Variants in CFAP263 observed in about 807,000 individuals in gnomAD.
CFAP263 encodes cilia- and flagella-associated protein 263.
the CFAP263 span, among the ~76,000 whole-genome samples, chr16:58,257,219 G>A: frequency 9.8e-5 from 11 of 112,748 alleles, no homozygotes; most frequent in South Asian, 8.5e-4. Flanking sequence ...GGGTTTCACC[G>A]TTTTAGCCGG....
At chr16:58,267,399 G>A in the CFAP263 span, 66 of 976,124 alleles carry the variant, frequency 6.8e-5, no homozygotes, top group South Asian at 2.1e-4. Flanking sequence ...TTTTCTGTTC[G>A]TTAACAAAGA....
the CFAP263 span, chr16:58,250,251 T>C: frequency 7.0e-6 from 4 of 567,544 alleles, no homozygotes; most frequent in Non-Finnish European, 1.2e-5. Flanking sequence ...TCTTTACTCC[T>C]TACTCCACCA....
At chr16:58,262,763 GTAGATAGATAGATAGA>G in the CFAP263 span, among the ~76,000 whole-genome samples, 36 of 78,412 alleles carry the variant, frequency 4.6e-4, no homozygotes, top group African/African-American at 1.5e-3. Context: ...TAGATGATAG[GTAGATAGATAGATAGA>G]TAGATAGATA....
chr16:58,257,269 G>A, the CFAP263 span, among the ~76,000 whole-genome samples: 1,846 of 111,576 alleles, frequency 0.017, 98 homozygotes, highest in African/African-American at 0.046. Context: ...CGCCCGCCTC[G>A]GCCTCCCAAA....
chr16:58,257,035 T>TTTTTTTTTTTTTTTTTTA, the CFAP263 span, among the ~76,000 whole-genome samples: 1 of 81,288 alleles, frequency 1.2e-5, no homozygotes, highest in African/African-American at 4.8e-5. Context: ...TTTTTTTTTT[T>TTTTTTTTTTTTTTTTTTA]GAGACGGAGT....
At chr16:58,253,294 T>C in the CFAP263 span, among the ~76,000 whole-genome samples, 1 of 152,084 alleles carries the variant, frequency 6.6e-6, no homozygotes, top group Admixed American at 6.5e-5. Context: ...GGTGGGAGGA[T>C]TGCTTGAGCC....
chr16:58,272,669 G>T, the CFAP263 span, among the ~76,000 whole-genome samples: 1 of 151,988 alleles, frequency 6.6e-6, no homozygotes, highest in Admixed American at 6.5e-5. Flanking sequence ...GCATATGACT[G>T]TATTACATTA....
the CFAP263 span, among the ~76,000 whole-genome samples, chr16:58,265,086 G>A: frequency 6.6e-5 from 10 of 152,226 alleles, no homozygotes; most frequent in African/African-American, 2.2e-4. Flanking sequence ...CAGCTGCGAT[G>A]AGTCACTCCA....
At chr16:58,262,787 A>G in the CFAP263 span, among the ~76,000 whole-genome samples, 13 of 150,446 alleles carry the variant, frequency 8.6e-5, no homozygotes, top group African/African-American at 2.0e-4. Context: ...AGATAGATAG[A>G]TAGATAGATA....
chr16:58,269,497 C>A, the CFAP263 span, among the ~76,000 whole-genome samples: 4 of 152,082 alleles, frequency 2.6e-5, no homozygotes, highest in African/African-American at 9.7e-5. Context: ...CACTCCACTC[C>A]CACCCTCCAG....
the CFAP263 span, among the ~76,000 whole-genome samples, chr16:58,264,569 A>G: frequency 6.6e-6 from 1 of 152,170 alleles, no homozygotes; most frequent in Admixed American, 6.5e-5. Flanking sequence ...TCATCTGGGC[A>G]AGATTCTTCA....
At chr16:58,278,297 G>A in the CFAP263 span, among the ~76,000 whole-genome samples, 1 of 152,142 alleles carries the variant, frequency 6.6e-6, no homozygotes, top group South Asian at 2.1e-4. Context: ...TTCTGAACTG[G>A]CTTAAAATAT....
the CFAP263 span, chr16:58,280,121 C>G: frequency 3.3e-6 from 4 of 1,199,514 alleles, no homozygotes; most frequent in Non-Finnish European, 4.7e-6. Context: ...TCCGTGGCAG[C>G]CCCAGTGTGC....
the CFAP263 span, among the ~76,000 whole-genome samples, chr16:58,258,849 G>A: frequency 1.4e-4 from 22 of 151,996 alleles, no homozygotes; most frequent in Admixed American, 4.6e-4. Flanking sequence ...CGAGGTGTTT[G>A]TGCCTGTAAT....
the CFAP263 span, among the ~76,000 whole-genome samples, chr16:58,262,757 T>TCATAGGTAGATA: frequency 2.6e-5 from 1 of 38,914 alleles, no homozygotes; most frequent in Non-Finnish European, 5.8e-5. Flanking sequence ...TATAGATAGA[T>TCATAGGTAGATA]GATAGGTAGA....
the CFAP263 span, among the ~76,000 whole-genome samples, chr16:58,277,090 A>G: frequency 6.6e-6 from 1 of 152,124 alleles, no homozygotes; most frequent in Admixed American, 6.6e-5. Context: ...TAAACAAAAG[A>G]ATTAGTAAAG....
At chr16:58,252,935 G>A in the CFAP263 span, 20 of 1,371,746 alleles carry the variant, frequency 1.5e-5, no homozygotes, top group African/African-American at 2.9e-5. Flanking sequence ...CCTTTGGTGC[G>A]CCCTCTGTGG....
At chr16:58,281,234 TG>T in the CFAP263 span, 1 of 161,082 alleles carries the variant, frequency 6.2e-6, no homozygotes. Context: ...AGCAGTCCTC[TG>T]GGACTTGGGA....
chr16:58,261,192 A>G, the CFAP263 span, among the ~76,000 whole-genome samples: 1 of 152,178 alleles, frequency 6.6e-6, no homozygotes, highest in Non-Finnish European at 1.5e-5. Context: ...AGGGTCCAGG[A>G]GGGCCACAGC....
Sources: allele counts gnomAD v4.1 joint callset (sites outside exome capture counted in the v4.1 genomes callset), GRCh38; gene constraint gnomAD v4.1.1; transcripts MANE v1.5; gene names NCBI Gene and HGNC (gene_info 2026-07-23, HGNC 2026-07-21).